The following GRHL2 variants were observed in gnomAD, a reference collection of about 807,000 sequenced individuals.
The protein encoded by GRHL2 is grainyhead-like protein 2 homolog.
Under a neutral mutation model 83.8 loss-of-function variants are expected in GRHL2, and 21 were observed. That is an observed-to-expected ratio of 0.25 (90% CI 0.18 to 0.36). The LOEUF is 0.36. GRHL2 is among the 10% of genes least tolerant of loss of function. The pLI, the probability that GRHL2 is intolerant of heterozygous loss-of-function variation, is 1.00. For synonymous variants in GRHL2, 280 were observed against 278.9 expected, an observed-to-expected ratio of 1.00 and a Z score of -0.04; for missense variants, 623 against 781.8, an observed-to-expected ratio of 0.80 and a Z score of 2.42.
intron 7 of GRHL2, among the ~76,000 whole-genome samples, chr8:101,582,770 C>A (rs1158303877): frequency 6.6e-6 from 1 of 152,144 alleles, no homozygotes; most frequent in Non-Finnish European, 1.5e-5. Context: ...CTCAGAGTTT[C>A]TTGCTCTTTG....
Position 101,565,672 on chromosome 8 carries a change from G to A in GRHL2, c.679-4667G>A, listed in dbSNP as rs576459416. Among the ~76,000 whole-genome samples the A allele has an allele frequency of 2.7e-4, 41 of 152,266 alleles. No individual in the cohort carries two copies. The South Asian group carries it at 4.6e-3, about 17-fold the overall frequency. Reference sequence around the variant, plus strand: ...ATTGACTAGTTGACCTGGAAGTGGCGCAACTGCACCATCTCACATTTTGTT... The same window carrying A: ...ATTGACTAGTTGACCTGGAAGTGGCACAACTGCACCATCTCACATTTTGTT... On this transcript the variant is annotated intron_variant, in intron 4 of 15. Coordinates refer to ENST00000646743, the MANE Select transcript of GRHL2 (RefSeq NM_024915.4).
chr8:101,545,937 A>G (rs2130131398), intron 2 of GRHL2, among the ~76,000 whole-genome samples: 1 of 121,714 alleles, frequency 8.2e-6, no homozygotes, highest in South Asian at 2.7e-4. Context: ...GCTGGAGTGC[A>G]GTGGCACGAT....
chr8:101,559,352 A>G (rs144351939), intron 4 of GRHL2, among the ~76,000 whole-genome samples: 2,319 of 53,614 alleles, frequency 0.043, 79 homozygotes, highest in African/African-American at 0.13. Context: ...TACTAAAAAT[A>G]CAAAAAAAAA....
intron 1 of GRHL2, among the ~76,000 whole-genome samples, chr8:101,499,251 A>T (rs1386553634): frequency 1.3e-5 from 2 of 152,234 alleles, no homozygotes; most frequent in African/African-American, 4.8e-5. Flanking sequence ...TAATTCAGGC[A>T]ACTGCCTCAG....
At chr8:101,674,591 A>T (rs1814262786), downstream of GRHL2, among the ~76,000 whole-genome samples, 1 of 152,212 alleles carries the variant, frequency 6.6e-6, no homozygotes, top group African/African-American at 2.4e-5. Context: ...AAAAAAGTCC[A>T]GGACCAGATG....
chr8:101,629,035 C>A (rs1172508537), intron 9 of GRHL2, among the ~76,000 whole-genome samples: 1 of 152,196 alleles, frequency 6.6e-6, no homozygotes, highest in Non-Finnish European at 1.5e-5. Context: ...GATAAAACAG[C>A]AGCAGTGCTT....
In GRHL2 at chr8:101,598,695, T is replaced by C. The variant is rs78170870; in HGVS notation, c.1004-362T>C. ...TCCATATGAAGTACCCTGGTACTTC[T>C]AGCAAAATTAAGTGGCAGAAAAGTG... On this transcript the variant is annotated intron_variant, in intron 7 of 15. Coordinates refer to ENST00000646743, the MANE Select transcript of GRHL2 (RefSeq NM_024915.4). Among the ~76,000 whole-genome samples the C allele has an allele frequency of 2.3e-3, 343 of 151,082 alleles. 7 individuals are homozygous for C. In the East Asian group the frequency reaches 0.058, roughly 25 times the overall value.
At chr8:101,607,799 A>G (rs1812662104) in intron 8 of GRHL2, among the ~76,000 whole-genome samples, 1 of 152,210 alleles carries the variant, frequency 6.6e-6, no homozygotes, top group Non-Finnish European at 1.5e-5. Context: ...TATTGAACTT[A>G]AACAAAGCCA....
rs188580653 is a variant in GRHL2, at chr8:101,511,644, C to T, written c.20+18855C>T. ...GATTATAGGCATGAGCCACTGTGCCCGGCCTCATCTTGTTTTTAGTTTTTT... is the reference window on the plus strand; with the variant it reads ...GATTATAGGCATGAGCCACTGTGCCTGGCCTCATCTTGTTTTTAGTTTTTT... On this transcript the variant is annotated intron_variant, in intron 1 of 15. Coordinates refer to ENST00000646743, the MANE Select transcript of GRHL2 (RefSeq NM_024915.4). 7.0e-4 allele frequency among the ~76,000 whole-genome samples: 106 copies of T among 151,894 alleles called. 1 individual carries two copies. In the South Asian group the frequency reaches 9.6e-3, roughly 14 times the overall value.
intron 8 of GRHL2, among the ~76,000 whole-genome samples, chr8:101,607,657 G>C (rs971152546): frequency 6.6e-6 from 1 of 152,190 alleles, no homozygotes; most frequent in Non-Finnish European, 1.5e-5. Context: ...GGCACTCCTG[G>C]GAGGGGTCTT....
At chr8:101,674,792 T>C in the GRHL2 span, among the ~76,000 whole-genome samples, 7 of 152,062 alleles carry the variant, frequency 4.6e-5, no homozygotes, top group East Asian at 1.9e-4. Flanking sequence ...TGATGAACAT[T>C]GATGCAAAAA....
intron 9 of GRHL2, among the ~76,000 whole-genome samples, chr8:101,630,914 T>A (rs1563616502): frequency 6.6e-6 from 1 of 152,052 alleles, no homozygotes; most frequent in South Asian, 2.1e-4. Context: ...TAAAGAGATA[T>A]AAGGTGGTGG....
chr8:101,594,239 G>A (rs890021990), intron 7 of GRHL2, among the ~76,000 whole-genome samples: 1 of 152,144 alleles, frequency 6.6e-6, no homozygotes, highest in African/African-American at 2.4e-5. Context: ...CTGGAACTGT[G>A]AGCAAAAATA....
intron 1 of GRHL2, among the ~76,000 whole-genome samples, chr8:101,502,766 T>C (rs373706161): frequency 2.0e-5 from 3 of 151,774 alleles, no homozygotes; most frequent in South Asian, 4.2e-4. Context: ...TCCTATTCTT[T>C]CTCCTCTTCC....
intron 8 of GRHL2, among the ~76,000 whole-genome samples, chr8:101,606,342 T>A (rs567110013): frequency 6.6e-6 from 1 of 152,160 alleles, no homozygotes; most frequent in Non-Finnish European, 1.5e-5. Flanking sequence ...TGAGGAGACA[T>A]GTTGATATTT....
At chr8:101,677,592 T>C in the GRHL2 span, among the ~76,000 whole-genome samples, 1 of 152,084 alleles carries the variant, frequency 6.6e-6, no homozygotes, top group Non-Finnish European at 1.5e-5. Context: ...TATGTATTGG[T>C]AGCAGAGGTG....
At chr8:101,556,506 G>A (rs975123837) in intron 3 of GRHL2, among the ~76,000 whole-genome samples, 3 of 152,170 alleles carry the variant, frequency 2.0e-5, no homozygotes, top group Admixed American at 1.3e-4. Flanking sequence ...TTCCATTAAT[G>A]AGTTCTTATT....
Position 101,666,743 on chromosome 8 carries a change from C to A in GRHL2, c.*40C>A. The A allele has an allele frequency of 2.5e-6, 3 of 1,224,482 alleles. No individual in the cohort carries two copies. The highest frequency in any genetic ancestry group is 2.4e-6 in the Non-Finnish European group (2 of 825,268). 75.9% of individuals were successfully genotyped at this position (1,224,482 alleles called of 1,614,324 possible). ...TCCGCTTTGGCTGGAGCTCTCAGTG[C>A]GTTCCTCCCTGAGAGAGACAGAAGC... On this transcript the variant is annotated 3_prime_UTR_variant, in exon 16 of 16. Coordinates refer to ENST00000646743, the MANE Select transcript of GRHL2 (RefSeq NM_024915.4).
chr8:101,582,922 T>C (rs965677343), intron 7 of GRHL2, among the ~76,000 whole-genome samples: 5 of 152,310 alleles, frequency 3.3e-5, no homozygotes, highest in African/African-American at 1.2e-4. Flanking sequence ...GCCATGTTTT[T>C]CTGTTGTTGA....
Sources: allele counts gnomAD v4.1 joint callset (sites outside exome capture counted in the v4.1 genomes callset), GRCh38; gene constraint gnomAD v4.1.1; transcripts MANE v1.5; gene names NCBI Gene and HGNC (gene_info 2026-07-23, HGNC 2026-07-21).